The following VPS13A variants were observed in gnomAD, a reference collection of about 807,000 sequenced individuals.
VPS13A encodes the protein vacuolar protein sorting 13 homolog A.
VPS13A carries 264 observed loss-of-function variants against 390.9 expected under a neutral mutation model. The ratio of observed to expected loss-of-function variants is 0.68; its 90% CI spans 0.61 to 0.75. The LOEUF (loss-of-function observed/expected upper bound fraction) is 0.75. VPS13A is among the 30% of genes least tolerant of loss of function. The probability of loss-of-function intolerance (pLI) is 0.00; values close to 1 mark genes in which losing one functional copy is unlikely to be tolerated. For missense variants in VPS13A, 3,409 were observed against 3,733.9 expected (o/e 0.91, Z 2.27); for synonymous variants, 1,231 against 1,227.1 (o/e 1.00, Z -0.07).
In VPS13A at chr9:77,339,836, T is replaced by G. The variant is rs760655067; in HGVS notation, c.6699T>G (p.His2233Gln). The G allele has an allele frequency of 1.1e-4, 185 of 1,613,872 alleles. No homozygotes were observed. The highest frequency in any genetic ancestry group is 1.5e-4 in the Non-Finnish European group (180 of 1,179,964). Residue 2233 changes from histidine (H) to glutamine (Q), a missense_variant, in exon 48 of 72, where the codon CAT becomes CAG. His to Gln is a conservative substitution (Grantham distance 24, BLOSUM62 0). Around this residue, in one of 5 missense-constraint regions of VPS13A, gnomAD observed 2,717 missense variants for 2,917.4 expected, o/e 0.93. Coordinates refer to ENST00000360280, the MANE Select transcript of VPS13A (RefSeq NM_033305.3). ...RMLQYKADGI[H>Q]RKHPPNYKKP... is the part of the protein sequence containing the mutation. ...TACAGTACAAAGCAGACGGAATTCATCGAAAGCATCCACCTAATTATAAAA... is the reference window on the plus strand; with the variant it reads ...TACAGTACAAAGCAGACGGAATTCAGCGAAAGCATCCACCTAATTATAAAA...
intron 10 of VPS13A, among the ~76,000 whole-genome samples, chr9:77,218,439 G>GT (rs1168055849): frequency 6.6e-6 from 1 of 152,096 alleles, no homozygotes; most frequent in Non-Finnish European, 1.5e-5. Context: ...ATGGAGTTGA[G>GT]TTTTTTGTTG....
chr9:77,200,341 T>C (rs1825254386), intron 2 of VPS13A, among the ~76,000 whole-genome samples: 1 of 151,924 alleles, frequency 6.6e-6, no homozygotes, highest in African/African-American at 2.4e-5. Flanking sequence ...GCAAAAAGCT[T>C]CGCCAGGCAT....
At position 77,263,309 on chromosome 9, in the gene VPS13A, A is replaced by G. The variant is rs148984092; in HGVS notation, c.2427+3085A>G. Among the ~76,000 whole-genome samples the G allele has an allele frequency of 2.6e-3, 388 of 151,880 alleles. 2 individuals carry two copies. Among genetic ancestry groups the G allele is most frequent in the African/African-American group, 8.9e-3 (367 of 41,430 alleles). Reference sequence around the variant, plus strand: ...TTTTTAGTAGAGATGGGGTTTCACCATTTTAGCCAGGATGGTCTCAATCTC... The same window carrying G: ...TTTTTAGTAGAGATGGGGTTTCACCGTTTTAGCCAGGATGGTCTCAATCTC... On this transcript the variant is annotated intron_variant, in intron 23 of 71. Coordinates refer to ENST00000360280, the MANE Select transcript of VPS13A (RefSeq NM_033305.3).
chr9:77,325,256 C>G (rs1363474592), intron 45 of VPS13A, among the ~76,000 whole-genome samples: 1 of 152,166 alleles, frequency 6.6e-6, no homozygotes, highest in East Asian at 1.9e-4. Flanking sequence ...TGGTAATGCT[C>G]TCAAGCCTGC....
intron 26 of VPS13A, among the ~76,000 whole-genome samples, chr9:77,278,471 T>A (rs1297525749): frequency 6.6e-6 from 1 of 152,178 alleles, no homozygotes. Context: ...CAATTATTAT[T>A]GCGCTTATTT....
chr9:77,227,333 T>G, intron 15 of VPS13A, 58 bp from the exon 16 acceptor site: 2 of 1,181,024 alleles, frequency 1.7e-6, no homozygotes, highest in Non-Finnish European at 2.5e-6. Context: ...GGCAGATACA[T>G]TGTGTTAATT....
intron 59 of VPS13A, among the ~76,000 whole-genome samples, chr9:77,361,667 A>G (rs570424242): frequency 1.3e-5 from 2 of 152,250 alleles, no homozygotes; most frequent in South Asian, 4.1e-4. Flanking sequence ...AAATTTTATT[A>G]GAAGTGGAAT....
intron 5 of VPS13A, among the ~76,000 whole-genome samples, chr9:77,207,011 G>A (rs1344099729): frequency 6.7e-6 from 1 of 149,616 alleles, no homozygotes; most frequent in Non-Finnish European, 1.5e-5. Flanking sequence ...CTTACCTCCA[G>A]TCCTCTTTCC....
At chr9:77,329,066 G>A (rs2131471595) in intron 45 of VPS13A, among the ~76,000 whole-genome samples, 1 of 152,246 alleles carries the variant, frequency 6.6e-6, no homozygotes, top group South Asian at 2.1e-4. Flanking sequence ...CACGAGAACA[G>A]CATGCAGGAA....
At chr9:77,209,045 T>C (rs1825830697) in intron 5 of VPS13A, among the ~76,000 whole-genome samples, 4 of 152,244 alleles carry the variant, frequency 2.6e-5, no homozygotes. Context: ...GGCAACTTAA[T>C]GGTGGTATCA....
chr9:77,319,723 A>G lies in VPS13A; in HGVS notation c.5415+50A>G, dbSNP rs747073274. 36 of 1,046,280 alleles carry G rather than the reference A, an allele frequency of 3.4e-5. 3 individuals are homozygous for G. In the South Asian group the frequency reaches 5.8e-4, roughly 17 times the overall value. The allele number at this position is 1,046,280 out of a possible 1,614,324, so 64.8% of individuals were successfully genotyped here. The stretch of plus-strand genomic sequence containing the variant: ...GTATATATATATATATGTATTTTAA[A>G]AGACTTTATTTTTTTAAGAACAGAT... On this transcript the variant is annotated intron_variant, in intron 42 of 71. Coordinates refer to ENST00000360280, the MANE Select transcript of VPS13A (RefSeq NM_033305.3).
chr9:77,373,677 A>T (rs1832911222), intron 67 of VPS13A, among the ~76,000 whole-genome samples: 2 of 151,600 alleles, frequency 1.3e-5, no homozygotes, highest in African/African-American at 4.8e-5. Flanking sequence ...AGCAAAAGAA[A>T]CTACCATCAG....
At chr9:77,340,776 T>A (rs754532910) in intron 50 of VPS13A, 7 of 505,728 alleles carry the variant, frequency 1.4e-5, no homozygotes, top group African/African-American at 5.8e-5. Context: ...GAGGTAGACG[T>A]TTAACAATTA....
rs377301508 is a variant in VPS13A at position 77,317,563 on chromosome 9, A to G, written c.4864-43A>G. Reference sequence around the variant, plus strand: ...AAAGTCTTTAAATAGAAATATTTTTATATTTAAACATTAATTTAGTGGTAT... The same window carrying G: ...AAAGTCTTTAAATAGAAATATTTTTGTATTTAAACATTAATTTAGTGGTAT... On this transcript the variant is annotated intron_variant, in intron 39 of 71. Coordinates refer to ENST00000360280, the MANE Select transcript of VPS13A (RefSeq NM_033305.3). 1.4e-5 allele frequency: 19 copies of G among 1,372,858 alleles called. No homozygotes were observed. The African/African-American group carries it at 2.2e-4, about 16-fold the overall frequency. 85.0% of individuals were successfully genotyped at this position (1,372,858 alleles called of 1,614,324 possible).
At chr9:77,349,040 T>TA (rs1018600047) in intron 52 of VPS13A, among the ~76,000 whole-genome samples, 2 of 152,160 alleles carry the variant, frequency 1.3e-5, no homozygotes, top group Non-Finnish European at 2.9e-5. Flanking sequence ...TCTTGGCTTT[T>TA]AAAAAAATAT....
chr9:77,194,803 G>A (rs999698469), intron 1 of VPS13A, among the ~76,000 whole-genome samples: 2 of 151,878 alleles, frequency 1.3e-5, no homozygotes, highest in Non-Finnish European at 2.9e-5. Context: ...TTCACTCTCA[G>A]TGCCTTCCTT....
chr9:77,316,681 TC>T (rs1829409753), intron 39 of VPS13A, among the ~76,000 whole-genome samples: 1 of 152,114 alleles, frequency 6.6e-6, no homozygotes, highest in Non-Finnish European at 1.5e-5. Context: ...ACTTTGACTT[TC>T]TAACCATGTC....
intron 33 of VPS13A, among the ~76,000 whole-genome samples, chr9:77,301,399 T>G (rs1828343882): frequency 6.6e-6 from 1 of 152,248 alleles, no homozygotes; most frequent in Admixed American, 6.5e-5. Flanking sequence ...TTTAGATTCC[T>G]TAACCTATTA....
chr9:77,357,645 A>T, intron 55 of VPS13A, 47 bp from the exon 56 acceptor site: 2 of 1,587,116 alleles, frequency 1.3e-6, no homozygotes, highest in Non-Finnish European at 1.7e-6. Flanking sequence ...AATTCTAGTC[A>T]TTTATAGATA....
Sources: gnomAD v4.1 joint callset for allele counts (sites outside exome capture counted in the v4.1 genomes callset) on GRCh38, gnomAD v4.1.1 for gene constraint, gnomAD v4.1.1 regional missense constraint, MANE v1.5 for transcripts, NCBI Gene and HGNC (gene_info 2026-07-23, HGNC 2026-07-21) for gene names.